The following NUDT9 variants were observed in gnomAD, a reference collection of about 807,000 sequenced individuals.
NUDT9 encodes ADP-ribose pyrophosphatase.
NUDT9 carries 31 observed loss-of-function variants against 41.0 expected under a neutral mutation model. The ratio of observed to expected loss-of-function variants is 0.76; its 90% CI spans 0.57 to 1.02. NUDT9 has a LOEUF of 1.02. Among genes scored for constraint, NUDT9 ranks in the 50% least tolerant of loss-of-function variants. The probability of loss-of-function intolerance (pLI) is 0.00; values close to 1 mark genes in which losing one functional copy is unlikely to be tolerated. For missense variants in NUDT9, 380 were observed against 431.4 expected, an observed-to-expected ratio of 0.88 and a Z score of 1.06; for synonymous variants, 146 against 147.6, an observed-to-expected ratio of 0.99 and a Z score of 0.08.
At chr4:87,448,791 A>G (rs1381451504) in intron 4 of NUDT9, among the ~76,000 whole-genome samples, 1 of 152,148 alleles carries the variant, frequency 6.6e-6, no homozygotes, top group Non-Finnish European at 1.5e-5. Context: ...TTAAAAGGGG[A>G]TTCGTAAACT....
At chr4:87,454,317 G>A in intron 6 of NUDT9, 54 bp from the exon 7 acceptor site, 1 of 931,240 alleles carries the variant, frequency 1.1e-6, no homozygotes. Context: ...AACATGCTCT[G>A]CTGTACTCAC....
chr4:87,428,261 T>A (rs1255459619), intron 1 of NUDT9, among the ~76,000 whole-genome samples: 1 of 152,192 alleles, frequency 6.6e-6, no homozygotes, highest in Admixed American at 6.5e-5. Context: ...TTGAACAGTA[T>A]ATAAAACTGT....
At chr4:87,428,208 A>G (rs991072097) in intron 1 of NUDT9, among the ~76,000 whole-genome samples, 4 of 152,014 alleles carry the variant, frequency 2.6e-5, no homozygotes, top group Non-Finnish European at 4.4e-5. Flanking sequence ...AAAATGAAAT[A>G]GTAATTGTTT....
intron 7 of NUDT9, among the ~76,000 whole-genome samples, chr4:87,456,772 T>A (rs1723008743): frequency 6.6e-6 from 1 of 151,904 alleles, no homozygotes; most frequent in Non-Finnish European, 1.5e-5. Flanking sequence ...CTACTAAGAA[T>A]ACAAAAAAAT....
chr4:87,450,362 ATTTCTT>A (rs1313382294), intron 5 of NUDT9, among the ~76,000 whole-genome samples: 25 of 146,402 alleles, frequency 1.7e-4, no homozygotes, highest in African/African-American at 5.1e-4. Context: ...GTTTAGGCTA[ATTTCTT>A]TTTCTTTTTC....
intron 3 of NUDT9, among the ~76,000 whole-genome samples, chr4:87,441,254 T>G (rs1454590352): frequency 6.6e-6 from 1 of 152,230 alleles, no homozygotes; most frequent in Non-Finnish European, 1.5e-5. Context: ...TCTGACAAAT[T>G]TTTAACACTG....
chr4:87,455,598 GTTTC>G (rs1282177236), intron 7 of NUDT9, among the ~76,000 whole-genome samples: 1 of 147,772 alleles, frequency 6.8e-6, no homozygotes, highest in Non-Finnish European at 1.5e-5. Flanking sequence ...TATTTGCTTT[GTTTC>G]TTTAGGCTAT....
chr4:87,454,350 T>A (rs779779056), intron 6 of NUDT9, 21 bp from the exon 7 acceptor site: 2 of 1,494,188 alleles, frequency 1.3e-6, no homozygotes, highest in African/African-American at 2.8e-5. Context: ...TTTTAAAAAA[T>A]TTGTCTTCTT....
At chr4:87,438,211 T>C in intron 2 of NUDT9, 66 bp from the exon 3 acceptor site, 1 of 832,104 alleles carries the variant, frequency 1.2e-6, no homozygotes, top group Non-Finnish European at 2.0e-6. Flanking sequence ...AGATTGACTT[T>C]CATTATTAAG....
At chr4:87,441,528 C>T (rs1038207457) in intron 3 of NUDT9, among the ~76,000 whole-genome samples, 16 of 152,126 alleles carry the variant, frequency 1.1e-4, no homozygotes, top group African/African-American at 3.1e-4. Context: ...AAACCAGGAA[C>T]GTTCCAGTTT....
intron 3 of NUDT9, among the ~76,000 whole-genome samples, chr4:87,439,165 C>CAA (rs10631832): frequency 0.22 from 31,875 of 145,024 alleles, 3,497 homozygotes; most frequent in Non-Finnish European, 0.26. Flanking sequence ...GACTCCATCT[C>CAA]AAAAAAAAAA....
intron 1 of NUDT9, among the ~76,000 whole-genome samples, chr4:87,425,033 AGT>A (rs1178097476): frequency 6.6e-6 from 1 of 152,190 alleles, no homozygotes; most frequent in African/African-American, 2.4e-5. Context: ...TGGGTGACAG[AGT>A]GATACAATGT....
chr4:87,422,900 G>A lies in NUDT9; in HGVS notation c.-6G>A, dbSNP rs775421213. 2 of 1,607,916 alleles carry A rather than the reference G, an allele frequency of 1.2e-6. No homozygotes were observed. The highest frequency in any genetic ancestry group is 4.5e-5 in the East Asian group (2 of 44,726). ...CTAGCATCGCAAAGCCGCCCTCGGG[G>A]CGCTCATGGCGGGACGCCTCCTGGG... On this transcript the variant is annotated 5_prime_UTR_variant, in exon 1 of 8. Coordinates refer to ENST00000302174, the MANE Select transcript of NUDT9 (RefSeq NM_024047.5).
rs543700931 is a variant in NUDT9, at chr4:87,453,522, C to T, written c.790-849C>T. 3.0e-4 allele frequency among the ~76,000 whole-genome samples: 46 copies of T among 151,302 alleles called. 1 individual carries two copies. In the South Asian group the frequency reaches 9.2e-3, roughly 30 times the overall value. ...TCGGCTCACTGCAACCTCTGCCTCA[C>T]GGGTTCATGCGATTCTCCTGCCTCA... On this transcript the variant is annotated intron_variant, in intron 6 of 7. Coordinates refer to ENST00000302174, the MANE Select transcript of NUDT9 (RefSeq NM_024047.5).
At chr4:87,443,812 A>G (rs1002213544) in intron 4 of NUDT9, among the ~76,000 whole-genome samples, 5 of 152,210 alleles carry the variant, frequency 3.3e-5, no homozygotes, top group Non-Finnish European at 7.4e-5. Flanking sequence ...TAGTGGGCGA[A>G]AAATGAAACT....
At chr4:87,429,496 T>TA (rs927732046) in intron 1 of NUDT9, among the ~76,000 whole-genome samples, 6 of 152,122 alleles carry the variant, frequency 3.9e-5, no homozygotes. Flanking sequence ...TAATTTGCCC[T>TA]AATTGCATAA....
chr4:87,438,901 T>C (rs1722073832), intron 3 of NUDT9, among the ~76,000 whole-genome samples: 1 of 152,210 alleles, frequency 6.6e-6, no homozygotes, highest in Non-Finnish European at 1.5e-5. Flanking sequence ...GCGCAGTGGC[T>C]CACGCCTGTA....
intron 3 of NUDT9, among the ~76,000 whole-genome samples, chr4:87,441,412 AG>A (rs1578073430): frequency 6.6e-6 from 1 of 152,248 alleles, no homozygotes; most frequent in Non-Finnish European, 1.5e-5. Flanking sequence ...TTGAGGAAAA[AG>A]GGATTTAATG....
At chr4:87,432,969 A>G (rs1171269326) in intron 1 of NUDT9, among the ~76,000 whole-genome samples, 3 of 151,992 alleles carry the variant, frequency 2.0e-5, no homozygotes, top group Non-Finnish European at 4.4e-5. Context: ...GTTTTTTTAT[A>G]GTGTCTTTGT....
Sources: allele counts gnomAD v4.1 joint callset (sites outside exome capture counted in the v4.1 genomes callset), GRCh38; gene constraint gnomAD v4.1.1; transcripts MANE v1.5; gene names NCBI Gene and HGNC (gene_info 2026-07-23, HGNC 2026-07-21).